PCDH15: variants seen among roughly 807,000 people sequenced by gnomAD.
The protein encoded by PCDH15 is protocadherin related 15, also known as protocadherin-15.
PCDH15 carries 129 observed loss-of-function variants against 178.5 expected under a neutral mutation model. That is an observed-to-expected ratio of 0.72 (90% CI 0.63 to 0.84). PCDH15 has a LOEUF of 0.84. Among genes scored for constraint, PCDH15 ranks in the 40% least tolerant of loss-of-function variants. The pLI is 0.00. For missense variants in PCDH15, 2,230 were observed against 2,099.9 expected (o/e 1.06, Z -1.21); for synonymous variants, 800 against 732.0 (o/e 1.09, Z -1.50).
chr10:53,898,109 G>A, intron 26 of PCDH15, among the ~76,000 whole-genome samples: 1 of 151,006 alleles, frequency 6.6e-6, no homozygotes, highest in Non-Finnish European at 1.5e-5. Context: ...TGGGACTACA[G>A]GTGCCCACCA....
At chr10:54,455,971 T>C (rs1302766413) in intron 3 of PCDH15, among the ~76,000 whole-genome samples, 1 of 152,172 alleles carries the variant, frequency 6.6e-6, no homozygotes, top group African/African-American at 2.4e-5. Context: ...AAGTCAAGAA[T>C]AGAGCTTTGT....
At chr10:54,239,972 G>A (rs1303737051) in intron 8 of PCDH15, among the ~76,000 whole-genome samples, 1 of 151,962 alleles carries the variant, frequency 6.6e-6, no homozygotes, top group Non-Finnish European at 1.5e-5. Context: ...TAAAAATTAT[G>A]ATTTTTAGGA....
In PCDH15 at chr10:54,604,159, T is replaced by G. The variant is rs182457615; in HGVS notation, c.91+60013A>C. On this transcript the variant is annotated intron_variant, in intron 2 of 37. Coordinates refer to ENST00000644397, the MANE Select transcript of PCDH15 (RefSeq NM_001384140.1). ...ACCTGAAAAGATACTTGATACAGTT[T>G]CTATCATCTTAAAGTTGAGTTGTTT... 2.4e-3 allele frequency among the ~76,000 whole-genome samples: 363 copies of G among 152,150 alleles called. 2 individuals are homozygous for G. Among genetic ancestry groups the G allele is most frequent in the Non-Finnish European group, 4.1e-3 (279 of 67,958 alleles).
At chr10:55,589,029 C>A (rs1206539069) in intron 2 of PCDH15, among the ~76,000 whole-genome samples, 1 of 135,372 alleles carries the variant, frequency 7.4e-6, no homozygotes, top group Non-Finnish European at 1.5e-5. Context: ...TGCAGTGAGC[C>A]AAGATCCCAC....
In PCDH15 at chr10:53,822,490, G is replaced by T. The variant is rs762526774; in HGVS notation, c.4368-2260C>A. The T allele has an allele frequency of 1.3e-5, 20 of 1,568,682 alleles. No homozygotes were observed. The highest frequency in any genetic ancestry group is 3.3e-4 in the Middle Eastern group (2 of 5,998). On this transcript the variant is annotated intron_variant, in intron 32 of 37. Coordinates refer to ENST00000644397, the MANE Select transcript of PCDH15 (RefSeq NM_001384140.1). ...GAAATAGGAGGAGGAGGGGGAAGGG[G>T]ACAGGCAGAAGGAGAGATGTTTGGT...
Position 55,258,081 on chromosome 10 carries a change from G to A in PCDH15, c.-156+61518C>T, listed in dbSNP as rs536610050. On this transcript the variant is annotated intron_variant, in intron 1 of 5. Coordinates refer to the PCDH15 transcript ENST00000458638. ...ATCATGCTGCCCACAATATGCTATA[G>A]AAGATTAGCAGTTAAAGTTGGACAG... Among the ~76,000 whole-genome samples, 2 of 152,146 alleles carry A rather than the reference G, an allele frequency of 1.3e-5. 1 individual carries two copies. The highest frequency in any genetic ancestry group is 2.9e-5 in the Non-Finnish European group (2 of 68,028).
chr10:54,938,400 C>T (rs1733761), intron 2 of PCDH15, among the ~76,000 whole-genome samples: 3 of 151,278 alleles, frequency 2.0e-5, no homozygotes, highest in South Asian at 2.1e-4. Flanking sequence ...TTTACTTACT[C>T]GTAATATTTC....
At chr10:53,825,758 T>C (rs765946320) in intron 32 of PCDH15, among the ~76,000 whole-genome samples, 3 of 151,092 alleles carry the variant, frequency 2.0e-5, no homozygotes, top group Non-Finnish European at 4.4e-5. Context: ...CTGTAAAAAG[T>C]TCTTGAATAG....
chr10:54,949,539 C>T (rs1249938940), intron 2 of PCDH15, among the ~76,000 whole-genome samples: 6 of 151,980 alleles, frequency 3.9e-5, no homozygotes, highest in African/African-American at 1.4e-4. Context: ...CTTCTCATTA[C>T]AGCCAGCTTG....
intron 23 of PCDH15, among the ~76,000 whole-genome samples, chr10:53,953,374 CTG>C (rs1377012057): frequency 2.0e-5 from 3 of 152,106 alleles, no homozygotes; most frequent in African/African-American, 7.2e-5. Context: ...CAAAATGAGT[CTG>C]TTTCAATTAC....
rs148046721 is a variant in PCDH15 at position 53,827,547 on chromosome 10, G to A, written c.4213C>T (p.Arg1405Cys). ...GCAGTCTTTGTACACTCAGCTTGAC[G>A]TCTTGGATAAAGTAAGGATGGCTTG... is the stretch of plus-strand genomic sequence containing the variant. The part of the protein sequence containing the change: ...VLVSYRQFKV[R>C]QAECTKTARI... Residue 1405 changes from arginine (R) to cysteine (C), a missense_variant and splice_region_variant, in exon 32 of 38, where the codon CGT (arginine) becomes TGT (cysteine). Physicochemically the swap from Arg to Cys is radical, Grantham distance 180. Transcript: ENST00000644397. 5 of 1,613,972 alleles carry A rather than the reference G, an allele frequency of 3.1e-6. No homozygotes were observed. Among genetic ancestry groups the A allele is most frequent in the Admixed American group, 1.7e-5 (1 of 60,006 alleles).
At chr10:53,926,813 T>C (rs1419349460) in intron 25 of PCDH15, among the ~76,000 whole-genome samples, 1 of 151,916 alleles carries the variant, frequency 6.6e-6, no homozygotes, top group Non-Finnish European at 1.5e-5. Context: ...ATGTCTCTTG[T>C]ATATCAATTA....
intron 35 of PCDH15, among the ~76,000 whole-genome samples, chr10:53,813,733 A>ATCTC (rs947410790): frequency 2.0e-5 from 3 of 152,184 alleles, no homozygotes; most frequent in Non-Finnish European, 4.4e-5. Flanking sequence ...ACATAAATGA[A>ATCTC]TCTCCCAAAC....
intron 16 of PCDH15, among the ~76,000 whole-genome samples, chr10:54,087,912 G>T (rs541691605): frequency 6.6e-6 from 1 of 152,206 alleles, no homozygotes; most frequent in East Asian, 1.9e-4. Context: ...TTAAAAGTGC[G>T]TGGCACTTCC....
intron 2 of PCDH15, among the ~76,000 whole-genome samples, chr10:54,544,075 C>T (rs2085562000): frequency 6.6e-6 from 1 of 152,070 alleles, no homozygotes; most frequent in Non-Finnish European, 1.5e-5. Context: ...TTCAACAATC[C>T]CATTCTGCAT....
At chr10:55,433,987 T>C (rs1838958701) in intron 2 of PCDH15, among the ~76,000 whole-genome samples, 1 of 152,050 alleles carries the variant, frequency 6.6e-6, no homozygotes, top group Admixed American at 6.5e-5. Flanking sequence ...ATGCTCTTTT[T>C]CTATATTTAA....
In PCDH15 at chr10:55,324,916, A is replaced by G. The variant is rs58675226; in HGVS notation, c.-155-158265T>C. Among the ~76,000 whole-genome samples, 915 of 152,292 alleles carry G rather than the reference A, an allele frequency of 6.0e-3. 5 individuals carry two copies. Among genetic ancestry groups the G allele is most frequent in the Middle Eastern group, 0.027 (8 of 294 alleles). On this transcript the variant is annotated intron_variant, in intron 2 of 5. Transcript: ENST00000613346. ...ATGTGCAAAAATTAGCAGCATTTCT[A>G]TACACCAAGAATATCCAACCTGAGA...
At position 55,035,630 on chromosome 10, in the gene PCDH15, A is replaced by T. The variant is rs556983912; in HGVS notation, c.-80+130946T>A. ...ACATTGCATTTAATTTTGCATTTTT[A>T]AAAATATTATAGATACTTAGAAAAG... On this transcript the variant is annotated intron_variant, in intron 2 of 5. Transcript: ENST00000458638. 1.1e-4 allele frequency among the ~76,000 whole-genome samples: 16 copies of T among 152,312 alleles called. No homozygotes were observed. The South Asian group carries it at 2.9e-3, about 28-fold the overall frequency.
At chr10:55,209,572 G>A (rs1248412805) in intron 1 of PCDH15, among the ~76,000 whole-genome samples, 3 of 151,942 alleles carry the variant, frequency 2.0e-5, no homozygotes, top group African/African-American at 7.3e-5. Flanking sequence ...ACTTAGTATT[G>A]GTTTGGACAT....
Sources: gnomAD v4.1 joint callset for allele counts (sites outside exome capture counted in the v4.1 genomes callset) on GRCh38, gnomAD v4.1.1 for gene constraint, MANE v1.5 for transcripts, NCBI Gene and HGNC (gene_info 2026-07-23, HGNC 2026-07-21) for gene names.